Variants in FSTL1 observed in about 807,000 individuals in gnomAD.
FSTL1 encodes follistatin like 1.
In FSTL1, 24 loss-of-function variants were observed where a neutral mutation model predicts 45.9. The ratio of observed to expected loss-of-function variants is 0.52; its 90% CI spans 0.38 to 0.74. FSTL1 has a LOEUF of 0.74. FSTL1 is among the 30% of genes least tolerant of loss of function. The pLI is 0.00. For missense variants in FSTL1, 340 were observed against 381.8 expected (o/e 0.89, Z 0.91); for synonymous variants, 120 against 137.6 (o/e 0.87, Z 0.89).
intron 3 of FSTL1, among the ~76,000 whole-genome samples, chr3:120,413,926 C>T (rs1318146645): frequency 2.0e-5 from 3 of 151,870 alleles, no homozygotes; most frequent in Non-Finnish European, 4.4e-5. Context: ...CCAGTGCCTG[C>T]GATTGCAGGC....
intron 2 of FSTL1, among the ~76,000 whole-genome samples, chr3:120,417,649 T>C (rs1937210565): frequency 6.6e-6 from 1 of 152,156 alleles, no homozygotes; most frequent in South Asian, 2.1e-4. Context: ...CAGGGCCCTC[T>C]TGTGGAAACT....
intron 6 of FSTL1, among the ~76,000 whole-genome samples, chr3:120,407,621 C>G (rs2107653129): frequency 6.6e-6 from 1 of 152,346 alleles, no homozygotes; most frequent in Admixed American, 6.5e-5. Flanking sequence ...ATAACAGTCT[C>G]TTTGAGATAT....
chr3:120,436,815 C>G (rs1172682194), intron 2 of FSTL1, among the ~76,000 whole-genome samples: 2 of 152,152 alleles, frequency 1.3e-5, no homozygotes, highest in African/African-American at 4.8e-5. Context: ...TAGTGCAAAA[C>G]CAGGGATGGT....
At chr3:120,397,482 T>C (rs1936725571) in intron 10 of FSTL1, among the ~76,000 whole-genome samples, 1 of 152,132 alleles carries the variant, frequency 6.6e-6, no homozygotes, top group Non-Finnish European at 1.5e-5. Flanking sequence ...TACCATCTCT[T>C]ACAACAGTGC....
chr3:120,410,642 G>C (rs575923527), intron 5 of FSTL1: 7 of 473,084 alleles, frequency 1.5e-5, no homozygotes, highest in Non-Finnish European at 2.9e-5. Flanking sequence ...CCCATGACAC[G>C]AGCATGTCTT....
chr3:120,443,561 A>C (rs1937671152), intron 2 of FSTL1, among the ~76,000 whole-genome samples: 1 of 149,948 alleles, frequency 6.7e-6, no homozygotes, highest in Non-Finnish European at 1.5e-5. Flanking sequence ...AAAAGTATAG[A>C]AAGACAGAGA....
chr3:120,403,933 A>C (rs867094425), intron 7 of FSTL1, among the ~76,000 whole-genome samples: 26 of 125,742 alleles, frequency 2.1e-4, no homozygotes, highest in African/African-American at 6.7e-4. Flanking sequence ...AAAAAAAAAA[A>C]AAAAAAAAAA....
Position 120,395,619 on chromosome 3 carries a change from G to A in FSTL1, c.*1333C>T, listed in dbSNP as rs1479114506. On this transcript the variant is annotated 3_prime_UTR_variant, in exon 11 of 11. Coordinates refer to ENST00000295633, the MANE Select transcript of FSTL1 (RefSeq NM_007085.5). ...GGTCATCAGGCTGAGATCAAATCTG[G>A]TCATCTTGTTTTTGGCCATCTGACA... 1.9e-6 allele frequency: 1 copy of A among 527,754 alleles called. No individual in the cohort carries two copies. The highest frequency in any genetic ancestry group is 5.5e-5 in the East Asian group (1 of 18,192). 32.7% of individuals were successfully genotyped at this position (527,754 alleles called of 1,614,324 possible).
intron 9 of FSTL1, among the ~76,000 whole-genome samples, chr3:120,401,893 T>C (rs1277175421): frequency 6.6e-6 from 1 of 152,236 alleles, no homozygotes; most frequent in South Asian, 2.1e-4. Context: ...AGGTTCACCC[T>C]AGCTGGTGAA....
intron 6 of FSTL1, among the ~76,000 whole-genome samples, chr3:120,408,813 T>C (rs116369613): frequency 8.1e-5 from 10 of 123,216 alleles, no homozygotes; most frequent in Non-Finnish European, 1.7e-4. Flanking sequence ...GAGTGTGATG[T>C]ACCTGTGTGT....
intron 10 of FSTL1, 24 bp from the exon 11 acceptor site, chr3:120,397,020 G>T: frequency 6.3e-7 from 1 of 1,584,222 alleles, no homozygotes; most frequent in Non-Finnish European, 8.7e-7. Flanking sequence ...GAGAAAATAG[G>T]CGTCATGGAA....
At chr3:120,404,426 A>G (rs534898470) in intron 7 of FSTL1, among the ~76,000 whole-genome samples, 5 of 152,360 alleles carry the variant, frequency 3.3e-5, no homozygotes, top group Admixed American at 3.3e-4. Context: ...ACGGGCATAT[A>G]TCTGTAACAG....
At chr3:120,421,700 C>A (rs988996411) in intron 2 of FSTL1, 27 of 152,300 alleles carry the variant, frequency 1.8e-4, no homozygotes, top group African/African-American at 6.5e-4. Context: ...GGAGGAGGGA[C>A]TGGTGATTTC....
At chr3:120,417,383 G>T (rs1198066112) in intron 2 of FSTL1, among the ~76,000 whole-genome samples, 1 of 152,190 alleles carries the variant, frequency 6.6e-6, no homozygotes, top group Non-Finnish European at 1.5e-5. Context: ...CAAACTCCAG[G>T]TCATTATTTT....
intron 3 of FSTL1, among the ~76,000 whole-genome samples, chr3:120,415,036 CTATT>C (rs1454346398): frequency 6.7e-6 from 1 of 149,724 alleles, no homozygotes; most frequent in Admixed American, 6.7e-5. Context: ...ATCTTTAGCT[CTATT>C]TAGAGATCTC....
intron 2 of FSTL1, among the ~76,000 whole-genome samples, chr3:120,429,018 G>A (rs1211995914): frequency 6.6e-6 from 1 of 152,216 alleles, no homozygotes; most frequent in African/African-American, 2.4e-5. Context: ...CAGGAAGAAA[G>A]TGGGGAAAAC....
At chr3:120,409,859 A>G in intron 5 of FSTL1, 197 bp from the exon 6 acceptor site, 1 of 408,924 alleles carries the variant, frequency 2.4e-6, no homozygotes, top group Non-Finnish European at 4.3e-6. Flanking sequence ...TCTCTAAAAT[A>G]TTTGTAAAGA....
intron 2 of FSTL1, among the ~76,000 whole-genome samples, chr3:120,441,574 T>C (rs1937627843): frequency 6.6e-6 from 1 of 152,252 alleles, no homozygotes; most frequent in Non-Finnish European, 1.5e-5. Context: ...TAATTAAATC[T>C]CTGGAGAGAG....
At chr3:120,433,893 C>T (rs1937514854) in intron 2 of FSTL1, among the ~76,000 whole-genome samples, 2 of 152,224 alleles carry the variant, frequency 1.3e-5, no homozygotes, top group South Asian at 4.2e-4. Context: ...GCCAGAGCAG[C>T]AAGAGGTAAG....
Sources: allele counts gnomAD v4.1 joint callset (sites outside exome capture counted in the v4.1 genomes callset), GRCh38; gene constraint gnomAD v4.1.1; transcripts MANE v1.5; gene names NCBI Gene and HGNC (gene_info 2026-07-23, HGNC 2026-07-21).